The following HCRTR2 variants were observed in gnomAD, a reference collection of about 807,000 sequenced individuals.
The protein encoded by HCRTR2 is hypocretin receptor 2, also known as orexin receptor type 2.
In HCRTR2, 22 loss-of-function variants were observed where a neutral mutation model predicts 49.0. The observed-to-expected ratio is 0.45, with a 90% confidence interval of 0.32 to 0.64. The LOEUF is 0.64. Ranked by LOEUF, HCRTR2 falls within the 30% of genes least tolerant of loss-of-function variation. HCRTR2 has a pLI of 0.04. For synonymous variants in HCRTR2, 236 were observed against 205.3 expected, an observed-to-expected ratio of 1.15 and a Z score of -1.28; for missense variants, 491 against 559.4, an observed-to-expected ratio of 0.88 and a Z score of 1.23.
At chr6:55,240,891 T>C (rs1015680045) in intron 1 of HCRTR2, 3 of 237,130 alleles carry the variant, frequency 1.3e-5, no homozygotes, top group Admixed American at 5.2e-5. Context: ...AATGTTGTTT[T>C]ATTTCACGTT....
chr6:55,259,135 A>C (rs1418550087), intron 3 of HCRTR2, among the ~76,000 whole-genome samples: 1 of 152,038 alleles, frequency 6.6e-6, no homozygotes, highest in Non-Finnish European at 1.5e-5. Context: ...TTTAATTAGC[A>C]TGTACCCTTG....
At chr6:55,197,057 T>C (rs1354112598) in intron 1 of HCRTR2, among the ~76,000 whole-genome samples, 1 of 152,192 alleles carries the variant, frequency 6.6e-6, no homozygotes, top group Non-Finnish European at 1.5e-5. Context: ...AAACTAATTC[T>C]GATTTTACTC....
rs565345964 is a variant in HCRTR2, at chr6:55,204,906, C to T, written c.223+30096C>T. Among the ~76,000 whole-genome samples the T allele has an allele frequency of 2.8e-3, 424 of 152,184 alleles. 5 individuals are homozygous for T. The highest frequency in any genetic ancestry group is 9.8e-3 in the African/African-American group (406 of 41,512). On this transcript the variant is annotated intron_variant, in intron 1 of 6. Coordinates refer to ENST00000370862, the MANE Select transcript of HCRTR2 (RefSeq NM_001384272.1). ...GCTGAAGTAATTCTTCTACTTTAGC[C>T]TCCCAGGCAGCTGGGACTACAGGAT... is the stretch of plus-strand genomic sequence containing the variant.
At chr6:55,217,996 C>A (rs1765820329) in intron 1 of HCRTR2, among the ~76,000 whole-genome samples, 1 of 152,218 alleles carries the variant, frequency 6.6e-6, no homozygotes, top group Middle Eastern at 3.4e-3. Flanking sequence ...ACTGAAAAGA[C>A]CAAGGTCAAG....
chr6:55,218,768 T>C (rs1296424944), intron 1 of HCRTR2, among the ~76,000 whole-genome samples: 1 of 152,108 alleles, frequency 6.6e-6, no homozygotes, highest in African/African-American at 2.4e-5. Context: ...TAAACAAATA[T>C]TAATGGAACT....
At chr6:55,153,876 A>G (rs1263147226) in intron 1 of HCRTR2, among the ~76,000 whole-genome samples, 1 of 151,924 alleles carries the variant, frequency 6.6e-6, no homozygotes, top group South Asian at 2.1e-4. Context: ...GAAAAGACAA[A>G]CAAAATTAAC....
intron 1 of HCRTR2, among the ~76,000 whole-genome samples, chr6:55,187,470 G>T (rs892356518): frequency 1.4e-5 from 2 of 142,500 alleles, no homozygotes; most frequent in African/African-American, 5.2e-5. Flanking sequence ...AGAAAAGAAA[G>T]CAGATATTGG....
chr6:55,197,864 G>T (rs901580936), intron 1 of HCRTR2, among the ~76,000 whole-genome samples: 2 of 151,992 alleles, frequency 1.3e-5, no homozygotes, highest in African/African-American at 2.4e-5. Context: ...CTTGTGATCT[G>T]CCTGCCTCGG....
intron 1 of HCRTR2, among the ~76,000 whole-genome samples, chr6:55,247,547 G>C (rs1026202035): frequency 3.3e-5 from 5 of 152,124 alleles, no homozygotes; most frequent in African/African-American, 1.2e-4. Flanking sequence ...GCTCTGACAG[G>C]TTTGTGATGC....
Position 55,252,446 on chromosome 6 carries a change from T to C in HCRTR2, c.403-2690T>C, listed in dbSNP as rs191397152. ...CTTGATGAACACTTTGTACTTCTAA[T>C]TGCTAGAGAGGATTGATATATCTCT... On this transcript the variant is annotated intron_variant, in intron 2 of 6. Transcript: ENST00000370862. Among the ~76,000 whole-genome samples the C allele has an allele frequency of 2.4e-4, 37 of 152,276 alleles. No homozygotes were observed. In the East Asian group the frequency reaches 7.1e-3, roughly 29 times the overall value.
At chr6:55,175,816 G>A (rs1581808897) in intron 1 of HCRTR2, among the ~76,000 whole-genome samples, 1 of 152,088 alleles carries the variant, frequency 6.6e-6, no homozygotes, top group Non-Finnish European at 1.5e-5. Flanking sequence ...GGGATAACTT[G>A]AAATAAATTG....
At chr6:55,205,541 G>C (rs1047401302) in intron 1 of HCRTR2, among the ~76,000 whole-genome samples, 2 of 152,084 alleles carry the variant, frequency 1.3e-5, no homozygotes, top group African/African-American at 4.8e-5. Flanking sequence ...GTAATAGAAA[G>C]ATGCAGAAAG....
intron 1 of HCRTR2, among the ~76,000 whole-genome samples, chr6:55,140,122 G>A (rs12197594): frequency 0.054 from 8,260 of 151,696 alleles, 335 homozygotes; most frequent in African/African-American, 0.1. Flanking sequence ...AAAAGAAAAA[G>A]GATATGGTGC....
chr6:55,114,898 A>C (rs1468935018), intron 1 of HCRTR2, among the ~76,000 whole-genome samples: 1 of 151,722 alleles, frequency 6.6e-6, no homozygotes, highest in Non-Finnish European at 1.5e-5. Flanking sequence ...TTTATAATTA[A>C]AGGGTGAGTG....
intron 1 of HCRTR2, among the ~76,000 whole-genome samples, chr6:55,129,583 C>G (rs761410241): frequency 2.2e-4 from 33 of 152,038 alleles, no homozygotes; most frequent in Non-Finnish European, 4.3e-4. Flanking sequence ...CTTTTCCAGT[C>G]TTTGTGTTCT....
chr6:55,219,277 G>T (rs1765846199), intron 1 of HCRTR2, among the ~76,000 whole-genome samples: 1 of 152,146 alleles, frequency 6.6e-6, no homozygotes, highest in Non-Finnish European at 1.5e-5. Flanking sequence ...ATATTATCCA[G>T]AATAGATCAT....
chr6:55,209,270 A>G (rs1765656928), intron 1 of HCRTR2, among the ~76,000 whole-genome samples: 1 of 152,192 alleles, frequency 6.6e-6, no homozygotes, highest in Admixed American at 6.6e-5. Context: ...GTGTCATGGA[A>G]AAAGGTTTAT....
At chr6:55,223,436 T>C (rs986939873) in intron 1 of HCRTR2, among the ~76,000 whole-genome samples, 2 of 152,238 alleles carry the variant, frequency 1.3e-5, no homozygotes, top group African/African-American at 2.4e-5. Flanking sequence ...CATCCTGAAG[T>C]AATTTTTAAC....
chr6:55,139,746 T>TA lies in HCRTR2; in HGVS notation c.-378+33209dup, dbSNP rs536705763. Among the ~76,000 whole-genome samples the TA allele has an allele frequency of 4.7e-4, 72 of 152,018 alleles. No individual in the cohort carries two copies. The East Asian group carries it at 9.9e-3, about 21-fold the overall frequency. ...TATTGGTCTTGATTTGATTTTCAGT[T>TA]AAAAAAAACCCTGTTTTCTCTAGAT... On this transcript the variant is annotated intron_variant, in intron 1 of 7. Transcript: ENST00000615358.
Sources: gnomAD v4.1 joint callset for allele counts (sites outside exome capture counted in the v4.1 genomes callset) on GRCh38, gnomAD v4.1.1 for gene constraint, MANE v1.5 for transcripts, NCBI Gene and HGNC (gene_info 2026-07-23, HGNC 2026-07-21) for gene names.